Variants in ARFIP1 observed in about 807,000 individuals in gnomAD.
ARFIP1 encodes the protein ARF interacting protein 1.
A neutral mutation model predicts 42.5 loss-of-function variants in ARFIP1; 24 were observed. That is an observed-to-expected ratio of 0.57 (90% confidence interval 0.41 to 0.80). The LOEUF is 0.80. Among genes scored for constraint, ARFIP1 ranks in the 30% least tolerant of loss-of-function variants. The pLI is 0.00. For synonymous variants in ARFIP1, 141 were observed against 153.7 expected (o/e 0.92, Z 0.61); for missense variants, 354 against 434.0 (o/e 0.82, Z 1.64).
At chr4:152,849,274 GT>G (rs1010224325) in intron 2 of ARFIP1, among the ~76,000 whole-genome samples, 1 of 149,808 alleles carries the variant, frequency 6.7e-6, no homozygotes, top group African/African-American at 2.5e-5. Context: ...TTAGTAATAT[GT>G]TTTTTTTTAT....
chr4:152,781,234 C>CTTTTTTTTT (rs535397594), intron 1 of ARFIP1, among the ~76,000 whole-genome samples: 44 of 118,904 alleles, frequency 3.7e-4, no homozygotes, highest in East Asian at 7.2e-4. Flanking sequence ...TTTCTTTTTT[C>CTTTTTTTTT]TTTTTTTTTT....
intron 3 of ARFIP1, among the ~76,000 whole-genome samples, chr4:152,864,433 A>T (rs1434472958): frequency 1.3e-5 from 2 of 152,232 alleles, no homozygotes; most frequent in African/African-American, 4.8e-5. Context: ...CAGTAAAGGC[A>T]AAAAGTGCAT....
intron 2 of ARFIP1, among the ~76,000 whole-genome samples, chr4:152,859,815 C>T (rs533397133): frequency 6.6e-6 from 1 of 150,658 alleles, no homozygotes; most frequent in Non-Finnish European, 1.5e-5. Flanking sequence ...AAACAGATCT[C>T]TCCGACTTGT....
intron 1 of ARFIP1, among the ~76,000 whole-genome samples, chr4:152,817,219 A>G (rs572326953): frequency 5.1e-4 from 78 of 152,348 alleles, no homozygotes; most frequent in Non-Finnish European, 9.4e-4. Flanking sequence ...ATTAGAGTCC[A>G]AATACTAGTG....
chr4:152,854,003 C>A lies in ARFIP1; in HGVS notation c.94-9603C>A, dbSNP rs540630796. Among the ~76,000 whole-genome samples, 4 of 148,724 alleles carry A rather than the reference C, an allele frequency of 2.7e-5. No homozygotes were observed. The South Asian group carries it at 6.4e-4, about 24-fold the overall frequency. Reference sequence around the variant, plus strand: ...TCTTGGCTCACTGAAACCTCCACCTCCCGAGTTCAAGCAATTCTCCTGCCT... The same window carrying A: ...TCTTGGCTCACTGAAACCTCCACCTACCGAGTTCAAGCAATTCTCCTGCCT... On this transcript the variant is annotated intron_variant, in intron 2 of 8. Transcript: ENST00000353617.
intron 1 of ARFIP1, among the ~76,000 whole-genome samples, chr4:152,800,198 T>C (rs1363206385): frequency 1.3e-5 from 2 of 152,194 alleles, no homozygotes; most frequent in African/African-American, 4.8e-5. Context: ...AATTCCCTAC[T>C]CATTAGTATT....
chr4:152,780,588 A>G (rs1244379276), intron 1 of ARFIP1, among the ~76,000 whole-genome samples: 1 of 151,714 alleles, frequency 6.6e-6, no homozygotes, highest in Non-Finnish European at 1.5e-5. Flanking sequence ...TCCAACCCTC[A>G]TTTCTCCCCT....
At chr4:152,841,328 C>T (rs1015841244) in intron 2 of ARFIP1, among the ~76,000 whole-genome samples, 1 of 152,200 alleles carries the variant, frequency 6.6e-6, no homozygotes, top group Non-Finnish European at 1.5e-5. Flanking sequence ...GCCACCGTGC[C>T]AGGCCAGTTC....
intron 2 of ARFIP1, among the ~76,000 whole-genome samples, chr4:152,862,050 C>A (rs1240625723): frequency 1.3e-5 from 2 of 152,112 alleles, no homozygotes; most frequent in African/African-American, 2.4e-5. Context: ...ATCAAGTAAA[C>A]CCGTTACTCA....
At chr4:152,889,943 TATATTTTAGTCATATATAC>T (rs1308508240) in intron 8 of ARFIP1, among the ~76,000 whole-genome samples, 6 of 142,192 alleles carry the variant, frequency 4.2e-5, no homozygotes, top group Admixed American at 2.2e-4. Context: ...ACATACACTA[TATATTTTAGTCATATATAC>T]ATATTTTAGT....
intron 8 of ARFIP1, among the ~76,000 whole-genome samples, chr4:152,891,743 A>G (rs1736868387): frequency 6.6e-6 from 1 of 151,924 alleles, no homozygotes; most frequent in Admixed American, 6.6e-5. Context: ...GAGTCTCGCT[A>G]TGTTGCCCAG....
At chr4:152,899,404 G>A (rs911906366) in intron 8 of ARFIP1, among the ~76,000 whole-genome samples, 5 of 152,142 alleles carry the variant, frequency 3.3e-5, no homozygotes, top group Admixed American at 2.0e-4. Context: ...AGGATTCAGT[G>A]CTGTCAAGCC....
At chr4:152,843,996 T>C (rs558054195) in intron 2 of ARFIP1, among the ~76,000 whole-genome samples, 1 of 152,090 alleles carries the variant, frequency 6.6e-6, no homozygotes, top group South Asian at 2.1e-4. Context: ...CACTGTGGAG[T>C]TTTACCCCCT....
chr4:152,903,784 G>A (rs1261065358), intron 8 of ARFIP1, among the ~76,000 whole-genome samples: 1 of 152,042 alleles, frequency 6.6e-6, no homozygotes, highest in Admixed American at 6.5e-5. Flanking sequence ...CTTTGTTAGT[G>A]GGCTACTGAG....
Position 152,882,889 on chromosome 4 carries a change from T to C in ARFIP1, c.791+9T>C, listed in dbSNP as rs1433858377. ...CAGTATGAAAGTGCCAGGTAAGGTA[T>C]ACATTTTCACTGTGTTGTCTGTTTT... On this transcript the variant is annotated intron_variant, in intron 7 of 8. Transcript: ENST00000353617. 4 of 1,599,174 alleles carry C rather than the reference T, an allele frequency of 2.5e-6. No individual in the cohort carries two copies. Among genetic ancestry groups the C allele is most frequent in the African/African-American group, 2.7e-5 (2 of 73,718 alleles).
At chr4:152,789,672 C>T (rs1211118086) in intron 1 of ARFIP1, among the ~76,000 whole-genome samples, 1 of 152,142 alleles carries the variant, frequency 6.6e-6, no homozygotes, top group African/African-American at 2.4e-5. Context: ...TTATATCAGT[C>T]TGACTCATGG....
intron 8 of ARFIP1, among the ~76,000 whole-genome samples, chr4:152,890,615 C>T (rs974399476): frequency 1.3e-4 from 20 of 151,956 alleles, no homozygotes; most frequent in African/African-American, 3.9e-4. Flanking sequence ...CGACAGGGGT[C>T]GGAAAACTAA....
intron 1 of ARFIP1, chr4:152,807,083 A>G (rs1212554049): frequency 6.6e-6 from 1 of 152,092 alleles, no homozygotes; most frequent in Non-Finnish European, 1.5e-5. Flanking sequence ...AAATTAATCA[A>G]GAGTTGTTGC....
At chr4:152,808,303 T>TTTTTTTTTTTTTTTG (rs1729165510) in intron 1 of ARFIP1, among the ~76,000 whole-genome samples, 2 of 133,196 alleles carry the variant, frequency 1.5e-5, no homozygotes, top group Non-Finnish European at 3.3e-5. Context: ...TTTTTTTTTT[T>TTTTTTTTTTTTTTTG]TTTTTTTTTT....
Sources: allele counts gnomAD v4.1 joint callset (sites outside exome capture counted in the v4.1 genomes callset), GRCh38; gene constraint gnomAD v4.1.1; transcripts MANE v1.5; gene names NCBI Gene and HGNC (gene_info 2026-07-23, HGNC 2026-07-21).